The following DNAH12 variants were observed in gnomAD, a reference collection of about 807,000 sequenced individuals.
The protein encoded by DNAH12 is dynein axonemal heavy chain 12.
Under a neutral mutation model 371.5 loss-of-function variants are expected in DNAH12, and 285 were observed. The observed-to-expected ratio is 0.77, with a 90% CI of 0.70 to 0.85. DNAH12 has a LOEUF of 0.85. Ranked by LOEUF, DNAH12 falls within the 40% of genes least tolerant of loss-of-function variation. The pLI is 0.00. For synonymous variants in DNAH12, 1,200 were observed against 1,213.0 expected (o/e 0.99, Z 0.22); for missense variants, 3,611 against 3,689.4 (o/e 0.98, Z 0.55).
At chr3:57,435,062 T>G (rs1361643775) in intron 30 of DNAH12, among the ~76,000 whole-genome samples, 2 of 152,166 alleles carry the variant, frequency 1.3e-5, no homozygotes, top group African/African-American at 4.8e-5. Context: ...GGTCATTGTA[T>G]CACATTATTA....
chr3:57,379,675 T>C (rs1444741832), intron 51 of DNAH12, among the ~76,000 whole-genome samples: 1 of 151,704 alleles, frequency 6.6e-6, no homozygotes, highest in African/African-American at 2.4e-5. Flanking sequence ...ACCCTGTCTC[T>C]ACTAATAGTA....
intron 57 of DNAH12, among the ~76,000 whole-genome samples, 199 bp downstream of exon 57, chr3:57,366,530 G>T (rs1384340021): frequency 8.6e-5 from 13 of 152,000 alleles, no homozygotes; most frequent in Non-Finnish European, 1.3e-4. Flanking sequence ...GAACCCAACT[G>T]CCCATACTAA....
In DNAH12 at chr3:57,322,447, T is replaced by TCATTTTTACTC; in HGVS notation, c.10409_10419dup (p.Thr3474GlufsTer2). ...CGAAGACCCGTGGGAGGTTCATTAG[T>TCATTTTTACTC]CATTTTTACTCCATTCTGTAGAATT... On this transcript the variant is annotated stop_gained and frameshift_variant, in exon 65 of 74. Transcript: ENST00000495027. LOFTEE classifies it high-confidence loss of function. 6.4e-7 allele frequency: 1 copy of TCATTTTTACTC among 1,552,288 alleles called. No homozygotes were observed. Among genetic ancestry groups the TCATTTTTACTC allele is most frequent in the Non-Finnish European group, 8.7e-7 (1 of 1,147,116 alleles).
At chr3:57,371,210 C>T (rs2063163088) in intron 55 of DNAH12, among the ~76,000 whole-genome samples, 1 of 152,096 alleles carries the variant, frequency 6.6e-6, no homozygotes, top group African/African-American at 2.4e-5. Flanking sequence ...AAGTTTACCC[C>T]TACTGCCACT....
At chr3:57,415,275 C>A in intron 38 of DNAH12, 151 bp downstream of exon 38, 2 of 1,041,470 alleles carry the variant, frequency 1.9e-6, no homozygotes, top group East Asian at 2.9e-5. Flanking sequence ...AAACTTGTAT[C>A]ATTAATTCCA....
rs1303909516 is a variant in DNAH12 at position 57,509,212 on chromosome 3, A to C, written c.470T>G (p.Val157Gly). ...DFENSMKRYL[V>G]QSVLVKPPVK... is the part of the protein sequence containing the mutation. ...TGGTGGTTTCACAAGAACGCTCTGC[A>C]CTAAAATACATGGATATATTAATGC... is the stretch of plus-strand genomic sequence containing the variant. Residue 157 changes from valine to glycine, a missense_variant and splice_region_variant, in exon 6 of 74, where the codon GTG becomes GGG. Around this residue, in one of 3 missense-constraint regions of DNAH12, gnomAD observed 1,314 missense variants for 1,398.7 expected, o/e 0.94. Coordinates refer to ENST00000495027, the MANE Select transcript of DNAH12 (RefSeq NM_001366028.2). 6.2e-7 allele frequency: 1 copy of C among 1,612,504 alleles called. No homozygotes were observed. The highest frequency in any genetic ancestry group is 8.5e-7 in the Non-Finnish European group (1 of 1,179,368).
chr3:57,384,163 C>T (rs1196081662), intron 49 of DNAH12, among the ~76,000 whole-genome samples: 1 of 152,082 alleles, frequency 6.6e-6, no homozygotes, highest in East Asian at 1.9e-4. Flanking sequence ...CAGATAGGTG[C>T]CAGTCACAGC....
intron 59 of DNAH12, among the ~76,000 whole-genome samples, chr3:57,354,978 G>A (rs2062764264): frequency 1.3e-5 from 2 of 152,272 alleles, no homozygotes; most frequent in South Asian, 4.1e-4. Flanking sequence ...GAAGGGGTAA[G>A]GATGGGAAGG....
chr3:57,488,296 G>A (rs2067002639), intron 12 of DNAH12, among the ~76,000 whole-genome samples: 1 of 152,056 alleles, frequency 6.6e-6, no homozygotes, highest in Non-Finnish European at 1.5e-5. Flanking sequence ...GGGTTCAAGC[G>A]ATTCTCCTGC....
At position 57,432,647 on chromosome 3, in the gene DNAH12, T is replaced by C. The variant is rs117129322; in HGVS notation, c.4980+720A>G. Among the ~76,000 whole-genome samples, 15 of 152,192 alleles carry C rather than the reference T, an allele frequency of 9.9e-5. No individual in the cohort carries two copies. In the East Asian group the frequency reaches 2.5e-3, roughly 26 times the overall value. ...CAGTAATATGAACATCACACATATA[T>C]TGATTTAAAAAAAACACTGAAGAAT... On this transcript the variant is annotated intron_variant, in intron 32 of 73. Transcript: ENST00000495027.
At chr3:57,360,443 C>A (rs1411119186) in intron 58 of DNAH12, among the ~76,000 whole-genome samples, 5 of 152,146 alleles carry the variant, frequency 3.3e-5, no homozygotes, top group Admixed American at 1.3e-4. Context: ...AATCCCAGCA[C>A]TTCGAGAGGC....
At chr3:57,554,368 C>T in the DNAH12 span, among the ~76,000 whole-genome samples, 1 of 151,598 alleles carries the variant, frequency 6.6e-6, no homozygotes, top group Non-Finnish European at 1.5e-5. Context: ...GCAATTAAAA[C>T]CAAATGTTTT....
intron 69 of DNAH12, among the ~76,000 whole-genome samples, chr3:57,306,289 T>G (rs1447567916): frequency 6.6e-6 from 1 of 152,142 alleles, no homozygotes; most frequent in African/African-American, 2.4e-5. Flanking sequence ...TACCTTCTTT[T>G]CAAGGGTCTG....
At chr3:57,310,653 T>C (rs2061564975) in intron 67 of DNAH12, 64 bp downstream of exon 67, 1 of 1,129,638 alleles carries the variant, frequency 8.9e-7, no homozygotes, top group Non-Finnish European at 1.3e-6. Context: ...GAGAAGAACA[T>C]TTCACCATTT....
intron 11 of DNAH12, among the ~76,000 whole-genome samples, chr3:57,499,645 AAAATATAT>A (rs1293794031): frequency 8.6e-5 from 2 of 23,376 alleles, no homozygotes; most frequent in South Asian, 2.1e-3. Flanking sequence ...AAAAAAAAAA[AAAATATAT>A]ATATATATAT....
At chr3:57,324,354 A>G (rs1575451048) in intron 62 of DNAH12, among the ~76,000 whole-genome samples, 1 of 152,354 alleles carries the variant, frequency 6.6e-6, no homozygotes, top group East Asian at 1.9e-4. Flanking sequence ...CTATACTTAG[A>G]TACCATTTTT....
At chr3:57,435,373 C>CAAACA (rs2065087302) in intron 30 of DNAH12, among the ~76,000 whole-genome samples, 1 of 94,742 alleles carries the variant, frequency 1.1e-5, no homozygotes, top group African/African-American at 4.0e-5. Context: ...CTCTGTCTCC[C>CAAACA]AAAAAAAAAA....
At chr3:57,374,203 A>T (rs2063234762) in intron 55 of DNAH12, among the ~76,000 whole-genome samples, 1 of 152,182 alleles carries the variant, frequency 6.6e-6, no homozygotes, top group South Asian at 2.1e-4. Context: ...TACTAATTTA[A>T]AATTACTAAA....
intron 43 of DNAH12, among the ~76,000 whole-genome samples, chr3:57,399,690 C>T (rs1241853418): frequency 6.6e-6 from 1 of 152,200 alleles, no homozygotes; most frequent in Non-Finnish European, 1.5e-5. Flanking sequence ...TCCTCTGCTT[C>T]TGCCACCCCT....
Sources: gnomAD v4.1 joint callset for allele counts (sites outside exome capture counted in the v4.1 genomes callset) on GRCh38, gnomAD v4.1.1 for gene constraint, gnomAD v4.1.1 regional missense constraint, MANE v1.5 for transcripts, NCBI Gene and HGNC (gene_info 2026-07-23, HGNC 2026-07-21) for gene names.